The following CADPS2 variants were observed in gnomAD, a reference collection of about 807,000 sequenced individuals.
The protein encoded by CADPS2 is calcium-dependent secretion activator 2.
A neutral mutation model predicts 172.5 loss-of-function variants in CADPS2; 93 were observed. The observed-to-expected ratio is 0.54, with a 90% CI of 0.46 to 0.64. The LOEUF (loss-of-function observed/expected upper bound fraction) is 0.64. Ranked by LOEUF, CADPS2 falls within the 30% of genes least tolerant of loss-of-function variation. CADPS2 has a pLI of 0.00. For synonymous variants in CADPS2, 546 were observed against 555.2 expected, an observed-to-expected ratio of 0.98 and a Z score of 0.23; for missense variants, 1,420 against 1,565.9, an observed-to-expected ratio of 0.91 and a Z score of 1.57.
chr7:122,885,771 G>A (rs1824195559), intron 1 of CADPS2, among the ~76,000 whole-genome samples: 2 of 152,190 alleles, frequency 1.3e-5, no homozygotes, highest in African/African-American at 4.8e-5. Context: ...ATGGTGAGCT[G>A]ACAGCTCCTG....
At chr7:122,626,483 C>T (rs920297155) in intron 4 of CADPS2, among the ~76,000 whole-genome samples, 1 of 152,178 alleles carries the variant, frequency 6.6e-6, no homozygotes, top group African/African-American at 2.4e-5. Context: ...AAGGATTGTA[C>T]TATCAAGAAC....
chr7:122,554,706 A>AC lies in CADPS2; in HGVS notation c.1336-18dup, dbSNP rs398111806. On this transcript the variant is annotated splice_polypyrimidine_tract_variant and intron_variant, in intron 7 of 29. Transcript: ENST00000449022. ...TAATATCACCTGTATGGAAAAAAAA[A>AC]CCCACATTTAAACGCATGATACGGA... is the stretch of plus-strand genomic sequence containing the variant. 9.5e-6 allele frequency: 15 copies of AC among 1,577,946 alleles called. No individual in the cohort carries two copies. The highest frequency in any genetic ancestry group is 2.7e-5 in the African/African-American group (2 of 73,244).
intron 1 of CADPS2, among the ~76,000 whole-genome samples, chr7:122,770,391 G>T (rs529341604): frequency 6.6e-6 from 1 of 151,754 alleles, no homozygotes; most frequent in Non-Finnish European, 1.5e-5. Context: ...TTTATTTTTG[G>T]AAAACCTCAC....
At chr7:122,702,258 G>A (rs1328338406) in intron 2 of CADPS2, 2 of 1,613,640 alleles carry the variant, frequency 1.2e-6, no homozygotes, top group Admixed American at 3.3e-5. Context: ...TGAATCGAGT[G>A]CAAAATTTCC....
At chr7:122,772,971 T>C (rs1423856657) in intron 1 of CADPS2, among the ~76,000 whole-genome samples, 2 of 152,018 alleles carry the variant, frequency 1.3e-5, no homozygotes, top group Non-Finnish European at 2.9e-5. Flanking sequence ...TCAAGAAAAT[T>C]GAAAAGCCAA....
intron 6 of CADPS2, among the ~76,000 whole-genome samples, chr7:122,613,750 T>A (rs2074575249): frequency 6.6e-6 from 1 of 151,876 alleles, no homozygotes. Flanking sequence ...TCTGTGAATA[T>A]ACTAATATAT....
rs995154918 is a variant in CADPS2 at position 122,886,231 on chromosome 7, G to C, written c.107C>G (p.Pro36Arg). The change falls in exon 1 of 30, where the codon CCG becomes CGG. Residue 36 changes from proline to arginine, a missense_variant. Transcript: ENST00000449022. ...CGCGTCCCGCCGCCCTTCCCGAGTC[G>C]GGGCTGGAGGAGCTCGCTGCGAGCT... ...AGSSQRAPPA[P>R]TREGRRDAPG... 139 of 1,476,888 alleles carry C rather than the reference G, an allele frequency of 9.4e-5. No homozygotes were observed. In the East Asian group the frequency reaches 3.3e-3, roughly 35 times the overall value. The allele number at this position is 1,476,888 out of a possible 1,614,324, so 91.5% of individuals were successfully genotyped here.
chr7:122,526,974 T>C (rs1311843947), intron 8 of CADPS2, among the ~76,000 whole-genome samples: 1 of 152,182 alleles, frequency 6.6e-6, no homozygotes, highest in Non-Finnish European at 1.5e-5. Context: ...AATGGTCTTT[T>C]CCTAGTTTGT....
At chr7:122,372,331 C>T (rs2041864929) in intron 25 of CADPS2, among the ~76,000 whole-genome samples, 1 of 152,130 alleles carries the variant, frequency 6.6e-6, no homozygotes, top group Non-Finnish European at 1.5e-5. Flanking sequence ...CAATAGAGGA[C>T]CAATGATGGT....
intron 14 of CADPS2, among the ~76,000 whole-genome samples, chr7:122,463,842 G>A (rs936459302): frequency 2.0e-5 from 3 of 152,290 alleles, no homozygotes; most frequent in Non-Finnish European, 2.9e-5. Context: ...GATGGTGGAA[G>A]TAAGATTTCT....
At chr7:122,559,872 A>G (rs1386455066) in intron 7 of CADPS2, among the ~76,000 whole-genome samples, 1 of 151,974 alleles carries the variant, frequency 6.6e-6, no homozygotes, top group Non-Finnish European at 1.5e-5. Flanking sequence ...ACAAGACTCT[A>G]TAACTGAGAC....
In CADPS2 at chr7:122,873,471, T is replaced by A. The variant is rs141340508; in HGVS notation, c.339+12528A>T. Among the ~76,000 whole-genome samples the A allele has an allele frequency of 4.7e-3, 719 of 152,274 alleles. 2 individuals carry two copies. Among genetic ancestry groups the A allele is most frequent in the Non-Finnish European group, 7.7e-3 (522 of 68,020 alleles). ...TTGCTGAGGATGATGGTTTTCAGCT[T>A]CATCCATGCCCCTGCAAAGGACATG... On this transcript the variant is annotated intron_variant, in intron 1 of 29. Transcript: ENST00000449022.
intron 8 of CADPS2, among the ~76,000 whole-genome samples, chr7:122,550,321 T>C (rs117994153): frequency 6.6e-6 from 1 of 152,294 alleles, no homozygotes; most frequent in Non-Finnish European, 1.5e-5. Context: ...ACAAAATGTG[T>C]AAATAGCCAA....
intron 2 of CADPS2, among the ~76,000 whole-genome samples, chr7:122,687,655 C>T (rs978748682): frequency 6.6e-6 from 1 of 152,160 alleles, no homozygotes; most frequent in Non-Finnish European, 1.5e-5. Flanking sequence ...TGTATTATAG[C>T]TAAGATTATT....
intron 14 of CADPS2, among the ~76,000 whole-genome samples, chr7:122,456,501 T>C (rs28492775): frequency 0.057 from 8,631 of 152,238 alleles, 324 homozygotes; most frequent in Non-Finnish European, 0.062. Flanking sequence ...GAAAAAATTA[T>C]AAAACAGATT....
At chr7:122,520,561 ATATCCCATAT>A (rs1340666257) in intron 8 of CADPS2, among the ~76,000 whole-genome samples, 3 of 152,088 alleles carry the variant, frequency 2.0e-5, no homozygotes, top group African/African-American at 7.2e-5. Context: ...TGTTTGAACT[ATATCCCATAT>A]TATTCTAGTA....
At chr7:122,859,520 G>C (rs1363471536) in intron 1 of CADPS2, among the ~76,000 whole-genome samples, 1 of 152,024 alleles carries the variant, frequency 6.6e-6, no homozygotes, top group Non-Finnish European at 1.5e-5. Flanking sequence ...GTAATACATA[G>C]GGGAGTCAAA....
chr7:122,466,353 T>C (rs576278225), intron 14 of CADPS2, among the ~76,000 whole-genome samples: 5 of 152,294 alleles, frequency 3.3e-5, no homozygotes, highest in African/African-American at 1.2e-4. Flanking sequence ...TCTACATACT[T>C]ATCCTGGATG....
intron 6 of CADPS2, among the ~76,000 whole-genome samples, chr7:122,590,475 A>T (rs2070617160): frequency 6.6e-6 from 1 of 151,936 alleles, no homozygotes; most frequent in Admixed American, 6.6e-5. Context: ...AAGACTTAAG[A>T]CATTCCCCTT....
Sources: gnomAD v4.1 joint callset for allele counts (sites outside exome capture counted in the v4.1 genomes callset) on GRCh38, gnomAD v4.1.1 for gene constraint, MANE v1.5 for transcripts, NCBI Gene and HGNC (gene_info 2026-07-23, HGNC 2026-07-21) for gene names.